The following SLC1A2 variants were observed in gnomAD, a reference collection of about 807,000 sequenced individuals.
SLC1A2 encodes excitatory amino acid transporter 2.
SLC1A2 carries 15 observed loss-of-function variants against 48.8 expected under a neutral mutation model. That is an observed-to-expected ratio of 0.31 (90% CI 0.21 to 0.47). The LOEUF (loss-of-function observed/expected upper bound fraction) is 0.47, where lower values mean the gene tolerates loss of function less well. Ranked by LOEUF, SLC1A2 falls within the 20% of genes least tolerant of loss-of-function variation. The probability of loss-of-function intolerance (pLI) is 0.99; values close to 1 mark genes in which losing one functional copy is unlikely to be tolerated. For missense variants in SLC1A2, 502 were observed against 730.5 expected, an observed-to-expected ratio of 0.69 and a Z score of 3.61; for synonymous variants, 279 against 272.6, an observed-to-expected ratio of 1.02 and a Z score of -0.23.
chr11:35,281,109 A>G (rs1275182252), intron 8 of SLC1A2, 108 bp from the exon 9 acceptor site: 51 of 1,415,016 alleles, frequency 3.6e-5, no homozygotes, highest in Non-Finnish European at 4.3e-5. Context: ...TTCATCCCCC[A>G]ACCCCCACCC....
chr11:35,363,451 C>G (rs775963046), intron 1 of SLC1A2, among the ~76,000 whole-genome samples: 1 of 152,054 alleles, frequency 6.6e-6, no homozygotes, highest in Non-Finnish European at 1.5e-5. Flanking sequence ...ATAGGGAGCT[C>G]ATTGGAGGGT....
intron 1 of SLC1A2, among the ~76,000 whole-genome samples, chr11:35,359,016 C>T (rs912369475): frequency 2.0e-5 from 3 of 152,174 alleles, no homozygotes; most frequent in Admixed American, 6.5e-5. Context: ...TGCTAATTTT[C>T]CCACCAAATA....
rs1851035366 is a variant in SLC1A2, at chr11:35,292,317, G to A, written c.1061C>T (p.Ala354Val). The change falls in exon 7 of 11, where the codon GCT becomes GTT. Residue 354 changes from alanine (A) to valine (V), a missense_variant. Coordinates refer to ENST00000278379, the MANE Select transcript of SLC1A2 (RefSeq NM_004171.4). ...AGCGGTGCCCAGGGCAGTGATCCAA[G>A]CTTGGAAAATGCCAGCAAAAAAGGA... Reference protein sequence around the residue: ...PFSFFAGIFQAWITALGTASS... With the variant: ...PFSFFAGIFQVWITALGTASS... 6.2e-7 allele frequency: 1 copy of A among 1,613,764 alleles called. No individual in the cohort carries two copies. Among genetic ancestry groups the A allele is most frequent in the African/African-American group, 1.3e-5 (1 of 74,912 alleles).
Position 35,367,184 on chromosome 11 carries a change from C to T in SLC1A2, c.18-49668G>A, listed in dbSNP as rs530609136. Among the ~76,000 whole-genome samples, 22 of 152,336 alleles carry T rather than the reference C, an allele frequency of 1.4e-4. No homozygotes were observed. In the East Asian group the frequency reaches 3.7e-3, roughly 25 times the overall value. ...TCTTTGTAATGCATGGTGCTTTGTGCAGTGCCAGGGCATTGGTGAGCACCT... is the reference window on the plus strand; with the variant it reads ...TCTTTGTAATGCATGGTGCTTTGTGTAGTGCCAGGGCATTGGTGAGCACCT... On this transcript the variant is annotated intron_variant, in intron 1 of 10. Transcript: ENST00000278379.
intron 1 of SLC1A2, among the ~76,000 whole-genome samples, chr11:35,405,575 C>G (rs892901221): frequency 6.6e-6 from 1 of 152,168 alleles, no homozygotes; most frequent in African/African-American, 2.4e-5. Context: ...TGAGAGGAGG[C>G]AGGCATCCTG....
At chr11:35,304,471 G>A (rs767259897) in intron 5 of SLC1A2, among the ~76,000 whole-genome samples, 1 of 151,948 alleles carries the variant, frequency 6.6e-6, no homozygotes, top group Non-Finnish European at 1.5e-5. Context: ...GTGGGTGCTG[G>A]GGATATTTGC....
intron 2 of SLC1A2, 70 bp downstream of exon 2, chr11:35,317,307 C>T: frequency 1.3e-6 from 2 of 1,537,620 alleles, no homozygotes; most frequent in Non-Finnish European, 1.8e-6. Flanking sequence ...CTGCTGAGAC[C>T]AGCTGCCCCA....
chr11:35,276,430 A>T (rs1346999956), intron 9 of SLC1A2, among the ~76,000 whole-genome samples: 1 of 151,512 alleles, frequency 6.6e-6, no homozygotes, highest in East Asian at 1.9e-4. Flanking sequence ...AACATAGTTA[A>T]TCCAAATGTA....
Position 35,259,122 on chromosome 11 carries a change from G to T in SLC1A2, c.*1772C>A, listed in dbSNP as rs2134580332. The T allele has an allele frequency of 6.6e-6, 1 of 152,658 alleles. No individual in the cohort carries two copies. Among genetic ancestry groups the T allele is most frequent in the Admixed American group, 6.5e-5 (1 of 15,288 alleles). 9.5% of individuals were successfully genotyped at this position (152,658 alleles called of 1,614,324 possible). On this transcript the variant is annotated 3_prime_UTR_variant, in exon 11 of 11. Transcript: ENST00000278379. ...TGATCCTTATCCAAAAATCACTAGG[G>T]TTTAGGAGACAAAAACAACTGGAAT...
intron 1 of SLC1A2, among the ~76,000 whole-genome samples, chr11:35,402,728 A>G (rs989669464): frequency 2.0e-5 from 3 of 152,222 alleles, no homozygotes; most frequent in Non-Finnish European, 4.4e-5. Context: ...GGATAGCCAT[A>G]GCCCAGGTGG....
chr11:35,265,956 C>G (rs188675665), intron 9 of SLC1A2, among the ~76,000 whole-genome samples, 198 bp from the exon 10 acceptor site: 1 of 152,282 alleles, frequency 6.6e-6, no homozygotes, highest in African/African-American at 2.4e-5. Flanking sequence ...TTATACTTCT[C>G]TCATAGGCCG....
intron 1 of SLC1A2, among the ~76,000 whole-genome samples, chr11:35,337,867 A>C (rs1852688678): frequency 6.6e-6 from 1 of 152,186 alleles, no homozygotes; most frequent in Non-Finnish European, 1.5e-5. Flanking sequence ...CCTGGAATAC[A>C]CTGCTGACTT....
intron 8 of SLC1A2, 41 bp downstream of exon 8, chr11:35,286,716 C>G: frequency 6.8e-7 from 1 of 1,469,654 alleles, no homozygotes; most frequent in East Asian, 2.4e-5. Context: ...GGAGGGGAAA[C>G]AGGGTAGAGG....
At chr11:35,388,741 C>T (rs1471706590) in intron 1 of SLC1A2, among the ~76,000 whole-genome samples, 1 of 152,174 alleles carries the variant, frequency 6.6e-6, no homozygotes, top group East Asian at 1.9e-4. Context: ...AGATTGTGAG[C>T]ATGTAGAGCC....
At chr11:35,346,827 G>A (rs1043541900) in intron 1 of SLC1A2, among the ~76,000 whole-genome samples, 1 of 152,260 alleles carries the variant, frequency 6.6e-6, no homozygotes, top group Admixed American at 6.5e-5. Context: ...CAGGGCAGGG[G>A]CATGTGCCAA....
chr11:35,284,065 T>C (rs2134702068), intron 8 of SLC1A2, among the ~76,000 whole-genome samples: 1 of 126,466 alleles, frequency 7.9e-6, no homozygotes, highest in African/African-American at 3.0e-5. Context: ...ATATAATTCA[T>C]AGGGTGGTTG....
intron 1 of SLC1A2, chr11:35,322,706 C>T: frequency 8.1e-7 from 1 of 1,241,380 alleles, no homozygotes. Flanking sequence ...AAACAGTGCT[C>T]ACTGCAGGTC....
chr11:35,371,031 T>A, intron 1 of SLC1A2: 1 of 985,138 alleles, frequency 1.0e-6, no homozygotes, highest in Non-Finnish European at 1.2e-6. Flanking sequence ...GGGGTGAGTT[T>A]TGAGCTGTTT....
At position 35,418,935 on chromosome 11, in the gene SLC1A2, T is replaced by TA; in HGVS notation, c.17+14dup. The stretch of plus-strand genomic sequence containing the variant: ...GACCCCGCTTTCCCGCGGGTACAGA[T>TA]AAAAATCCCCTCACCCTTCCGTAGA... On this transcript the variant is annotated intron_variant, in intron 1 of 10. Transcript: ENST00000278379. 6.4e-7 allele frequency: 1 copy of TA among 1,559,936 alleles called. No individual in the cohort carries two copies. The highest frequency in any genetic ancestry group is 8.7e-7 in the Non-Finnish European group (1 of 1,150,570).
Sources: gnomAD v4.1 joint callset for allele counts (sites outside exome capture counted in the v4.1 genomes callset) on GRCh38, gnomAD v4.1.1 for gene constraint, MANE v1.5 for transcripts, NCBI Gene and HGNC (gene_info 2026-07-23, HGNC 2026-07-21) for gene names.